PAQR8: variants seen among roughly 807,000 people sequenced by gnomAD.
PAQR8 encodes membrane progestin receptor beta.
A neutral mutation model predicts 25.2 loss-of-function variants in PAQR8; 17 were observed. That is an observed-to-expected ratio of 0.67 (90% CI 0.46 to 1.01). PAQR8 has a LOEUF of 1.01. Ranked by LOEUF, PAQR8 falls within the 50% of genes least tolerant of loss-of-function variation. The pLI, the probability that PAQR8 is intolerant of heterozygous loss-of-function variation, is 0.00. For missense variants in PAQR8, 392 were observed against 448.4 expected, an observed-to-expected ratio of 0.87 and a Z score of 1.14; for synonymous variants, 204 against 190.6, an observed-to-expected ratio of 1.07 and a Z score of -0.58.
At chr6:52,369,287 A>C (rs540146118) in intron 1 of PAQR8, among the ~76,000 whole-genome samples, 2 of 152,286 alleles carry the variant, frequency 1.3e-5, no homozygotes, top group Admixed American at 6.5e-5. Flanking sequence ...CTAGGGCTGT[A>C]AGAATTTGAG....
At chr6:52,365,856 C>T (rs1000495980) in intron 1 of PAQR8, among the ~76,000 whole-genome samples, 6 of 152,056 alleles carry the variant, frequency 3.9e-5, no homozygotes, top group African/African-American at 7.2e-5. Flanking sequence ...TTTAAATGAG[C>T]ATTCCTGTTA....
rs5876275 is a variant in PAQR8, at chr6:52,407,678, C to CAAAAAAA, written c.*3426_*3432dup. 6.7e-4 allele frequency: 49 copies of CAAAAAAA among 72,816 alleles called. 1 individual carries two copies. Among genetic ancestry groups the CAAAAAAA allele is most frequent in the Non-Finnish European group, 1.0e-3 (42 of 41,836 alleles). The allele number at this position is 72,816 out of a possible 1,614,324, so 4.5% of individuals were successfully genotyped here. ...TTGGTCTTGTGTTTTGCTTGCTTGG[C>CAAAAAAA]AAAAAAAAAAAAAAAAAAAAAAAAA... On this transcript the variant is annotated 3_prime_UTR_variant, in exon 2 of 2. Coordinates refer to ENST00000442253, the MANE Select transcript of PAQR8 (RefSeq NM_133367.5).
At chr6:52,397,307 CATTCCT>C (rs906132312) in intron 1 of PAQR8, among the ~76,000 whole-genome samples, 1 of 152,168 alleles carries the variant, frequency 6.6e-6, no homozygotes, top group African/African-American at 2.4e-5. Context: ...GAAGTCATAC[CATTCCT>C]ATGCTCTTAT....
In PAQR8 at chr6:52,407,654, T is replaced by G. The variant is rs1763927232; in HGVS notation, c.*3376T>G. 1.3e-5 allele frequency: 2 copies of G among 150,272 alleles called. No homozygotes were observed. The highest frequency in any genetic ancestry group is 2.8e-5 in the African/African-American group (1 of 35,380). The allele number at this position is 150,272 out of a possible 1,614,324, so 9.3% of individuals were successfully genotyped here. On this transcript the variant is annotated 3_prime_UTR_variant, in exon 2 of 2. Transcript: ENST00000442253. ...CAAGGCTTCTGTCTACTAATTCTATTGGTCTTGTGTTTTGCTTGCTTGGCA... is the reference window on the plus strand; with the variant it reads ...CAAGGCTTCTGTCTACTAATTCTATGGGTCTTGTGTTTTGCTTGCTTGGCA...
chr6:52,391,190 CA>C (rs1763704740), intron 1 of PAQR8, among the ~76,000 whole-genome samples: 1 of 152,200 alleles, frequency 6.6e-6, no homozygotes, highest in African/African-American at 2.4e-5. Context: ...CTCATTTATT[CA>C]TTCAAGAAAT....
At chr6:52,375,307 G>C (rs1348384714) in intron 1 of PAQR8, among the ~76,000 whole-genome samples, 1 of 152,112 alleles carries the variant, frequency 6.6e-6, no homozygotes, top group East Asian at 1.9e-4. Context: ...AGCAATAGAG[G>C]TTGGCATGAC....
chr6:52,381,378 C>T (rs749707948), intron 1 of PAQR8, among the ~76,000 whole-genome samples: 6 of 152,176 alleles, frequency 3.9e-5, no homozygotes, highest in Non-Finnish European at 7.4e-5. Context: ...GAGGCCAAGG[C>T]GGGTGGAATG....
intron 1 of PAQR8, among the ~76,000 whole-genome samples, chr6:52,389,390 TC>T (rs1763670687): frequency 6.6e-6 from 1 of 152,194 alleles, no homozygotes; most frequent in African/African-American, 2.4e-5. Flanking sequence ...AAGCCAGTGT[TC>T]CTGTCTCCAG....
At position 52,398,199 on chromosome 6, in the gene PAQR8, TTTTTC is replaced by T. The variant is rs1381956444; in HGVS notation, c.-52-4958_-52-4954del. On this transcript the variant is annotated intron_variant, in intron 1 of 1. Coordinates refer to ENST00000442253, the MANE Select transcript of PAQR8 (RefSeq NM_133367.5). ...CACAAGTTTAGAATTTTTCTTTTCTTTTTTCTTTTTTTTTTTTTTTTTTTGAGGCA... is the reference window on the plus strand; with the variant it reads ...CACAAGTTTAGAATTTTTCTTTTCTTTTTTTTTTTTTTTTTTTTTGAGGCA... 1.5e-3 allele frequency among the ~76,000 whole-genome samples: 93 copies of T among 62,084 alleles called. 2 individuals are homozygous for T. The highest frequency in any genetic ancestry group is 6.2e-3 in the Middle Eastern group (1 of 162). The allele number at this position is 62,084 out of a possible 152,430, so 40.7% of individuals were successfully genotyped here. A position where few individuals can be genotyped will look rare whatever the true frequency, so the allele number is the denominator to read the frequency against.
intron 1 of PAQR8, among the ~76,000 whole-genome samples, chr6:52,396,918 G>A (rs1042832870): frequency 2.0e-5 from 3 of 152,156 alleles, no homozygotes; most frequent in Admixed American, 6.5e-5. Flanking sequence ...CTGGTTGGAG[G>A]CAAATTTGGA....
intron 1 of PAQR8, among the ~76,000 whole-genome samples, chr6:52,379,619 C>CTTTTTTTTTTTTTTTTTTTTTTTTT (rs909812638): frequency 2.6e-5 from 2 of 77,232 alleles, no homozygotes; most frequent in Non-Finnish European, 5.0e-5. Context: ...ACCCAGCTTT[C>CTTTTTTTTTTTTTTTTTTTTTTTTT]TTTTTTTTTT....
At chr6:52,397,518 C>T (rs1047385002) in intron 1 of PAQR8, among the ~76,000 whole-genome samples, 2 of 152,172 alleles carry the variant, frequency 1.3e-5, no homozygotes, top group African/African-American at 4.8e-5. Flanking sequence ...GCTGTTGATT[C>T]ATGAAGTTTG....
chr6:52,403,528 G>A lies in PAQR8; in HGVS notation c.315G>A (p.Ala105=), dbSNP rs759579333. ...CCGAGGCTGAGGCCTTGCCATGGGC[G>A]TCTACCCACTCCCTGCCTCTGCTCC... is the stretch of plus-strand genomic sequence containing the variant. ...AFAEAEALPW[A]STHSLPLLLF... Residue 105 remains alanine, a synonymous_variant, in exon 2 of 2, where the codon GCG becomes GCA. Coordinates refer to ENST00000442253, the MANE Select transcript of PAQR8 (RefSeq NM_133367.5). 11 of 1,613,996 alleles carry A rather than the reference G, an allele frequency of 6.8e-6. No individual in the cohort carries two copies. Among genetic ancestry groups the A allele is most frequent in the South Asian group, 6.6e-5 (6 of 91,078 alleles).
At chr6:52,390,763 G>A (rs1205173422) in intron 1 of PAQR8, among the ~76,000 whole-genome samples, 1 of 152,150 alleles carries the variant, frequency 6.6e-6, no homozygotes, top group African/African-American at 2.4e-5. Flanking sequence ...GGCAAGTATA[G>A]TTAGGTTACT....
intron 1 of PAQR8, among the ~76,000 whole-genome samples, chr6:52,389,193 A>G (rs578214221): frequency 6.1e-4 from 93 of 152,352 alleles, no homozygotes; most frequent in Non-Finnish European, 1.1e-3. Context: ...ACACAAATAA[A>G]TAAGATCCAA....
At chr6:52,383,627 C>G (rs1763591400) in intron 1 of PAQR8, among the ~76,000 whole-genome samples, 2 of 145,350 alleles carry the variant, frequency 1.4e-5, no homozygotes, top group Admixed American at 7.0e-5. Flanking sequence ...CGCCACTGCA[C>G]TCCAGCCTGG....
At chr6:52,365,901 A>C (rs544705873) in intron 1 of PAQR8, among the ~76,000 whole-genome samples, 51 of 152,144 alleles carry the variant, frequency 3.4e-4, no homozygotes, top group Non-Finnish European at 1.2e-4. Context: ...TTGGTGTGGT[A>C]AGGCAAATCT....
At chr6:52,379,631 T>C (rs1407180812) in intron 1 of PAQR8, among the ~76,000 whole-genome samples, 5 of 138,948 alleles carry the variant, frequency 3.6e-5, no homozygotes, top group Non-Finnish European at 4.7e-5. Flanking sequence ...TTTTTTTTTT[T>C]TTTTTTTTTT....
chr6:52,362,405 G>T lies in PAQR8; in HGVS notation c.-53+156G>T, dbSNP rs920888371. 3.3e-5 allele frequency: 5 copies of T among 152,330 alleles called. No individual in the cohort carries two copies. The highest frequency in any genetic ancestry group is 2.9e-5 in the Non-Finnish European group (2 of 68,124). The allele number at this position is 152,330 out of a possible 1,614,324, so 9.4% of individuals were successfully genotyped here. ...GAGCTCAGAGGGGAGGTCCAGAGTC[G>T]CAGCGTTGGGAACCTGAGGCCAGGG... is the stretch of plus-strand genomic sequence containing the variant. On this transcript the variant is annotated intron_variant, in intron 1 of 1. Coordinates refer to ENST00000442253, the MANE Select transcript of PAQR8 (RefSeq NM_133367.5). The surrounding 1 kb of genome is among the most constrained non-coding windows in gnomAD (Gnocchi z 4.1).
Sources: allele counts gnomAD v4.1 joint callset (sites outside exome capture counted in the v4.1 genomes callset), GRCh38; gene constraint gnomAD v4.1.1; non-coding constraint Gnocchi (gnomAD v3.1); transcripts MANE v1.5; gene names NCBI Gene and HGNC (gene_info 2026-07-23, HGNC 2026-07-21).